The following BMX variants were observed in gnomAD, a reference collection of about 807,000 sequenced individuals.
BMX encodes BMX non-receptor tyrosine kinase, also known as cytoplasmic tyrosine-protein kinase BMX.
A neutral mutation model predicts 59.2 loss-of-function variants in BMX; 31 were observed. That is an observed-to-expected ratio of 0.52 (90% CI 0.39 to 0.71). The LOEUF (loss-of-function observed/expected upper bound fraction) is 0.71, where lower values mean the gene tolerates loss of function less well. Among genes scored for constraint, BMX ranks in the 30% least tolerant of loss-of-function variants. The pLI, the probability that BMX is intolerant of heterozygous loss-of-function variation, is 0.00. For missense variants in BMX, 474 were observed against 491.7 expected (o/e 0.96, Z 0.34); for synonymous variants, 185 against 181.0 (o/e 1.02, Z -0.18).
chrX:15,546,837 G>C lies in BMX; in HGVS notation c.1711G>C (p.Gly571Arg), dbSNP rs144206884. 13 of 1,210,300 alleles carry C rather than the reference G, an allele frequency of 1.1e-5. No homozygotes were observed. Among genetic ancestry groups the C allele is most frequent in the Non-Finnish European group, 1.5e-5 (13 of 894,673 alleles). The change falls in exon 17 of 19, where the codon GGA becomes CGA. Residue 571 changes from glycine (G) to arginine (R), a missense_variant. Coordinates refer to ENST00000348343, the MANE Select transcript of BMX (RefSeq NM_203281.3). ...VLDDQYVSSV[G>R]TKFPVKWSAP... The stretch of plus-strand genomic sequence containing the variant: ...TGATGACCAGTATGTCAGTTCAGTC[G>C]GAACAAAGTTTCCAGTCAAGTGGTC...
In BMX at chrX:15,529,964, C is replaced by T. The variant is rs1469821265; in HGVS notation, c.885-9C>T. ...TTGATTCTCACATATAATTTTTTTC[C>T]TTTTGCAGCTGGTTTGCTGGTAACA... On this transcript the variant is annotated splice_polypyrimidine_tract_variant and intron_variant, in intron 9 of 18. Transcript: ENST00000348343. The T allele has an allele frequency of 1.7e-6, 2 of 1,204,242 alleles. No individual in the cohort carries two copies. The highest frequency in any genetic ancestry group is 2.2e-6 in the Non-Finnish European group (2 of 890,138).
At chrX:15,526,917 C>A (rs1259317093) in intron 9 of BMX, among the ~76,000 whole-genome samples, 1 of 109,868 alleles carries the variant, frequency 9.1e-6, no homozygotes, top group Non-Finnish European at 1.9e-5. Context: ...AATTGGGATA[C>A]TTTAGAAAGA....
intron 11 of BMX, among the ~76,000 whole-genome samples, chrX:15,531,877 G>T (rs1253366861): frequency 1.8e-5 from 2 of 111,766 alleles, no homozygotes; most frequent in African/African-American, 6.5e-5. Flanking sequence ...ACTCAGTGCT[G>T]CTGTGTTCTC....
intron 14 of BMX, among the ~76,000 whole-genome samples, chrX:15,539,303 A>C (rs1018318111): frequency 2.7e-5 from 3 of 111,980 alleles, no homozygotes; most frequent in Non-Finnish European, 5.6e-5. Flanking sequence ...CTAATCATAA[A>C]GAAAAACGTC....
rs752596502 is a variant in BMX, at chrX:15,551,870, T to C, written c.1953+1873T>C. Among the ~76,000 whole-genome samples the C allele has an allele frequency of 3.6e-5, 4 of 111,026 alleles. No individual in the cohort carries two copies. In the East Asian group the frequency reaches 8.5e-4, roughly 24 times the overall value. The stretch of plus-strand genomic sequence containing the variant: ...ACTACAGTGGCCAACAGAGCACTTA[T>C]GGCAAGGCATCTCGAGGGGGTGGCA... On this transcript the variant is annotated intron_variant, in intron 18 of 18. Transcript: ENST00000348343.
At position 15,515,067 on chromosome X, in the gene BMX, C is replaced by T. The variant is rs1924096388; in HGVS notation, c.326-1045C>T. Among the ~76,000 whole-genome samples the T allele has an allele frequency of 2.8e-5, 3 of 107,238 alleles. No homozygotes were observed. In the Admixed American group the frequency reaches 2.9e-4, roughly 11 times the overall value. The allele number at this position is 107,238 out of a possible 115,157, so 93.1% of individuals were successfully genotyped here. A position where few individuals can be genotyped will look rare whatever the true frequency, so the allele number is the denominator to read the frequency against. On this transcript the variant is annotated intron_variant, in intron 4 of 18. Coordinates refer to ENST00000348343, the MANE Select transcript of BMX (RefSeq NM_203281.3). ...AACACAGGAACAGAAAACCAATCAC[C>T]GCATGTTCTCACTGATAAGTGACAG... is the stretch of plus-strand genomic sequence containing the variant.
intron 16 of BMX, among the ~76,000 whole-genome samples, chrX:15,544,564 G>A (rs865839691): frequency 9.0e-5 from 10 of 111,607 alleles, no homozygotes; most frequent in Middle Eastern, 9.2e-3. Flanking sequence ...TTGGAAAAGG[G>A]AGACTTTTCC....
chrX:15,506,595 C>A (rs1274098531), intron 1 of BMX, among the ~76,000 whole-genome samples: 1 of 112,270 alleles, frequency 8.9e-6, no homozygotes. Flanking sequence ...AGTCTCCGAG[C>A]AAATTCTCTT....
intron 2 of BMX, among the ~76,000 whole-genome samples, chrX:15,509,000 G>A (rs1923845284): frequency 1.8e-5 from 2 of 112,197 alleles, no homozygotes; most frequent in Admixed American, 1.9e-4. Context: ...CTGAAATACT[G>A]TCATAAGACT....
rs141827642 is a variant in BMX, at chrX:15,511,457, T to A, written c.264T>A (p.Leu88=). ...YPFQIVYKDG[L]LYVYASNEES... ...TCCAGATTGTCTATAAAGATGGGCT[T>A]CTCTATGTCTATGCATCAAATGAAG... The change falls in exon 4 of 19, where the codon CTT becomes CTA. Residue 88 remains leucine, a synonymous_variant. Transcript: ENST00000348343. 1.8e-3 allele frequency: 2,144 copies of A among 1,203,289 alleles called. 2 individuals are homozygous for A. The highest frequency in any genetic ancestry group is 6.4e-3 in the South Asian group (357 of 55,914).
chrX:15,509,625 G>A (rs1460014778), intron 3 of BMX, among the ~76,000 whole-genome samples, 192 bp downstream of exon 3: 3 of 111,175 alleles, frequency 2.7e-5, no homozygotes, highest in Non-Finnish European at 3.8e-5. Flanking sequence ...GGGAAGGGAA[G>A]GGAAGCAAGA....
chrX:15,541,778 G>GC (rs1335964460), intron 14 of BMX, among the ~76,000 whole-genome samples: 4 of 110,375 alleles, frequency 3.6e-5, no homozygotes, highest in Non-Finnish European at 7.6e-5. Flanking sequence ...ACCAATGTCT[G>GC]ATATGAGGCA....
rs764646419 is a variant in BMX, at chrX:15,501,943, G to C, written c.-10+1003G>C. ...CCAGGAGCTGGGGACAGAGGGATGA[G>C]AAGTAAAATTTTATCATTAAGGATC... On this transcript the variant is annotated intron_variant, in intron 1 of 18. Transcript: ENST00000348343. 5.4e-5 allele frequency among the ~76,000 whole-genome samples: 6 copies of C among 111,760 alleles called. No individual in the cohort carries two copies. In the South Asian group the frequency reaches 2.3e-3, roughly 42 times the overall value.
chrX:15,554,913 T>C (rs1246099008), intron 18 of BMX, among the ~76,000 whole-genome samples: 1 of 111,432 alleles, frequency 9.0e-6, no homozygotes, highest in African/African-American at 3.3e-5. Context: ...TCCTCTTCTG[T>C]TCTTTGGTCT....
intron 6 of BMX, among the ~76,000 whole-genome samples, chrX:15,520,068 C>T (rs1395673136): frequency 1.8e-5 from 2 of 112,014 alleles, no homozygotes; most frequent in Admixed American, 9.4e-5. Context: ...AGATTTTATC[C>T]TAGAGGCTTC....
At chrX:15,547,634 G>A (rs981010550) in intron 17 of BMX, among the ~76,000 whole-genome samples, 2 of 112,102 alleles carry the variant, frequency 1.8e-5, no homozygotes, top group African/African-American at 6.5e-5. Context: ...TGCTACAACA[G>A]CAGAGTAGAG....
chrX:15,514,788 T>C (rs925673298), intron 4 of BMX, among the ~76,000 whole-genome samples: 1 of 111,287 alleles, frequency 9.0e-6, no homozygotes, highest in Non-Finnish European at 1.9e-5. Context: ...AGTATAAACA[T>C]GTCAAAGTCA....
intron 13 of BMX, 130 bp from the exon 14 acceptor site, chrX:15,537,004 C>T (rs1925391845): frequency 1.4e-6 from 1 of 702,236 alleles, no homozygotes. Flanking sequence ...TTTAACTTAT[C>T]AACTTAAAAT....
chrX:15,549,999 C>T lies in BMX; in HGVS notation c.1953+2C>T, dbSNP rs777099358. 12 of 1,193,877 alleles carry T rather than the reference C, an allele frequency of 1.0e-5. No homozygotes were observed. The highest frequency in any genetic ancestry group is 1.2e-5 in the Non-Finnish European group (11 of 884,905). On this transcript the variant is annotated splice_donor_variant, in intron 18 of 18. Transcript: ENST00000348343. LOFTEE classifies it low-confidence loss of function (GC_TO_GT_DONOR). The stretch of plus-strand genomic sequence containing the variant: ...ATCATGTACAGCTGCTGGCACGAGG[C>T]AAGTGTATTCTCTGGGTGGGCTGGA...
Sources: gnomAD v4.1 joint callset for allele counts (sites outside exome capture counted in the v4.1 genomes callset) on GRCh38, gnomAD v4.1.1 for gene constraint, MANE v1.5 for transcripts, NCBI Gene and HGNC (gene_info 2026-07-23, HGNC 2026-07-21) for gene names.